ATAD3A: variants seen among roughly 807,000 people sequenced by gnomAD.
The protein encoded by ATAD3A is ATPase family AAA domain-containing protein 3A.
Under a neutral mutation model 73.8 loss-of-function variants are expected in ATAD3A, and 46 were observed. The ratio of observed to expected loss-of-function variants is 0.62; its 90% CI spans 0.49 to 0.80. The LOEUF is 0.80. ATAD3A is among the 30% of genes least tolerant of loss of function. The pLI is 0.00. For synonymous variants in ATAD3A, 319 were observed against 350.0 expected, an observed-to-expected ratio of 0.91 and a Z score of 0.99; for missense variants, 705 against 838.0, an observed-to-expected ratio of 0.84 and a Z score of 1.96.
At chr1:1,531,149 C>T (rs1642021234) in intron 15 of ATAD3A, among the ~76,000 whole-genome samples, 1 of 151,722 alleles carries the variant, frequency 6.6e-6, no homozygotes, top group African/African-American at 2.4e-5. Flanking sequence ...TAGCGTGAGA[C>T]TCCATCTTAA....
chr1:1,527,004 G>A (rs1240848228), intron 13 of ATAD3A, among the ~76,000 whole-genome samples: 3 of 152,160 alleles, frequency 2.0e-5, no homozygotes, highest in Non-Finnish European at 4.4e-5. Flanking sequence ...GCTGGCCAAG[G>A]GTGCACCCTC....
rs1483445508 is a variant in ATAD3A, at chr1:1,520,847, A to G, written c.750+230A>G. 1.3e-5 allele frequency among the ~76,000 whole-genome samples: 2 copies of G among 152,030 alleles called. No individual in the cohort carries two copies. Among genetic ancestry groups the G allele is most frequent in the African/African-American group, 2.4e-5 (1 of 41,394 alleles). On this transcript the variant is annotated intron_variant, in intron 7 of 15. Transcript: ENST00000378756. This position sits in a 1 kb window ranked among gnomAD's most constrained non-coding sequence, Gnocchi z 4.0. Reference sequence around the variant, plus strand: ...CACAGTGAGACCCCATCTCTACAAAAAATCAAATATTAGCTGGGTGTGGTG... The same window carrying G: ...CACAGTGAGACCCCATCTCTACAAAGAATCAAATATTAGCTGGGTGTGGTG...
In ATAD3A at chr1:1,523,613, T is replaced by G. The variant is rs549390435; in HGVS notation, c.963+46T>G. 1 of 1,611,252 alleles carries G rather than the reference T, an allele frequency of 6.2e-7. No homozygotes were observed. Among genetic ancestry groups the G allele is most frequent in the South Asian group, 1.1e-5 (1 of 90,834 alleles). ...CCGGGGAGGCGCAGGGAGGGGACCC[T>G]GGAGCTGGGCCGGGCTGTGGCCCTT... is the stretch of plus-strand genomic sequence containing the variant. On this transcript the variant is annotated intron_variant, in intron 9 of 15. Transcript: ENST00000378756. The surrounding 1 kb of genome is among the most constrained non-coding windows in gnomAD (Gnocchi z 5.1).
chr1:1,527,870 T>A lies in ATAD3A; in HGVS notation c.1505+8T>A, dbSNP rs1570352379. 1 of 1,607,440 alleles carries A rather than the reference T, an allele frequency of 6.2e-7. No homozygotes were observed. The highest frequency in any genetic ancestry group is 8.5e-7 in the Non-Finnish European group (1 of 1,176,512). ...GGCCACAGAAGGAAAGCAGTAAGTG[T>A]CCCGCCCCACCAGCCCCCGTCCAGG... On this transcript the variant is annotated splice_region_variant and intron_variant, in intron 14 of 15. Transcript: ENST00000378756.
chr1:1,533,704 A>C (rs1395309993), intron 15 of ATAD3A, among the ~76,000 whole-genome samples: 2 of 151,824 alleles, frequency 1.3e-5, no homozygotes, highest in Admixed American at 1.3e-4. Flanking sequence ...GTCATTGAGC[A>C]ACAGCAGTGC....
intron 15 of ATAD3A, among the ~76,000 whole-genome samples, chr1:1,532,149 G>T (rs567397848): frequency 6.6e-6 from 1 of 152,098 alleles, no homozygotes; most frequent in Non-Finnish European, 1.5e-5. Flanking sequence ...ATCCTGCTTG[G>T]TCAGGGTGTA....
In ATAD3A at chr1:1,520,339, A is replaced by G. The variant is rs1455663425; in HGVS notation, c.680+33A>G. ...CTGCCGAGGCCCGGGCCGGCCACAGATGGAGCCCCGCAGGTGTGAGTCGCT... is the reference window on the plus strand; with the variant it reads ...CTGCCGAGGCCCGGGCCGGCCACAGGTGGAGCCCCGCAGGTGTGAGTCGCT... On this transcript the variant is annotated intron_variant, in intron 6 of 15. Coordinates refer to ENST00000378756, the MANE Select transcript of ATAD3A (RefSeq NM_001170535.3). This position sits in a 1 kb window ranked among gnomAD's most constrained non-coding sequence, Gnocchi z 4.0. 9.3e-6 allele frequency: 15 copies of G among 1,605,608 alleles called. No individual in the cohort carries two copies. Among genetic ancestry groups the G allele is most frequent in the African/African-American group, 2.7e-5 (2 of 74,786 alleles).
rs1003069210 is a variant in ATAD3A at position 1,520,434 on chromosome 1, C to T, written c.681-114C>T. 27 of 1,598,060 alleles carry T rather than the reference C, an allele frequency of 1.7e-5. No homozygotes were observed. Among genetic ancestry groups the T allele is most frequent in the African/African-American group, 1.5e-4 (11 of 74,696 alleles). On this transcript the variant is annotated intron_variant, in intron 6 of 15. Coordinates refer to ENST00000378756, the MANE Select transcript of ATAD3A (RefSeq NM_001170535.3). This position sits in a 1 kb window ranked among gnomAD's most constrained non-coding sequence, Gnocchi z 4.0. The stretch of plus-strand genomic sequence containing the variant: ...GCTGACTCCTTGGTGGGGGCACTGC[C>T]CCTCTGTCCTGGCAAGGCCGTGCCG...
In ATAD3A at chr1:1,526,026, C is replaced by CT. The variant is rs1159825001; in HGVS notation, c.1267-421dup. Among the ~76,000 whole-genome samples the CT allele has an allele frequency of 3.5e-3, 497 of 141,490 alleles. 2 individuals carry two copies. The highest frequency in any genetic ancestry group is 0.011 in the Middle Eastern group (3 of 264). 92.8% of individuals were successfully genotyped at this position (141,490 alleles called of 152,430 possible). On this transcript the variant is annotated intron_variant, in intron 12 of 15. Transcript: ENST00000378756. Reference sequence around the variant, plus strand: ...CCCGGTCAGGCTTTCTTTTCTTTTTCTTTTTTTTTTTTTTAAGGCAGAATT... The same window carrying CT: ...CCCGGTCAGGCTTTCTTTTCTTTTTCTTTTTTTTTTTTTTTAAGGCAGAATT...
chr1:1,524,564 G>A (rs2100669298), intron 11 of ATAD3A, among the ~76,000 whole-genome samples, 167 bp downstream of exon 11: 1 of 130,738 alleles, frequency 7.6e-6, no homozygotes, highest in African/African-American at 3.6e-5. Context: ...AGTCCCCTGA[G>A]TGTGGACCCT....
At chr1:1,522,599 G>T (rs115803540) in intron 7 of ATAD3A, 145 bp from the exon 8 acceptor site, 6 of 1,476,256 alleles carry the variant, frequency 4.1e-6, no homozygotes, top group Non-Finnish European at 5.4e-6. Context: ...ATTCGGGGCC[G>T]GGAATTCGCG....
chr1:1,534,491 ACCCAGGTGGGG>A lies in ATAD3A; in HGVS notation c.*421_*431del, dbSNP rs1642159678. ...GTGAGGGGGCGCCTGCCAGGGCCAGACCCAGGTGGGGCAGCCTGAACCCTGCTTCCCCCTGT... is the reference window on the plus strand; with the variant it reads ...GTGAGGGGGCGCCTGCCAGGGCCAGACAGCCTGAACCCTGCTTCCCCCTGT... On this transcript the variant is annotated 3_prime_UTR_variant, in exon 16 of 16. Transcript: ENST00000378756. The A allele has an allele frequency of 2.2e-6, 2 of 915,614 alleles. No individual in the cohort carries two copies. The highest frequency in any genetic ancestry group is 3.4e-5 in the African/African-American group (2 of 58,936). The allele number at this position is 915,614 out of a possible 1,614,324, so 56.7% of individuals were successfully genotyped here.
At position 1,518,959 on chromosome 1, in the gene ATAD3A, G is replaced by A. The variant is rs1641489284; in HGVS notation, c.483G>A (p.Glu161=). 6.2e-7 allele frequency: 1 copy of A among 1,614,186 alleles called. No individual in the cohort carries two copies. Among genetic ancestry groups the A allele is most frequent in the Admixed American group, 1.7e-5 (1 of 60,034 alleles). ...AGGAGAATTTACGGAAGCAGGAGGA[G>A]TCCGTGCAGAAGCAGGAAGCCATGC... ...LNEENLRKQE[E]SVQKQEAMRR... is the part of the protein sequence containing the mutation. The change falls in exon 5 of 16, where the codon GAG becomes GAA. Residue 161 remains glutamate (E), a synonymous_variant. Coordinates refer to ENST00000378756, the MANE Select transcript of ATAD3A (RefSeq NM_001170535.3).
Position 1,534,171 on chromosome 1 carries a change from G to A in ATAD3A, c.*99G>A, listed in dbSNP as rs1195812669. 1.3e-6 allele frequency: 2 copies of A among 1,593,680 alleles called. No individual in the cohort carries two copies. The highest frequency in any genetic ancestry group is 1.1e-5 in the South Asian group (1 of 88,946). On this transcript the variant is annotated 3_prime_UTR_variant, in exon 16 of 16. Coordinates refer to ENST00000378756, the MANE Select transcript of ATAD3A (RefSeq NM_001170535.3). Reference sequence around the variant, plus strand: ...CATTTAGGATATGCTCCTGGGTGGGGACTGGGCTGTGCCCAGGGCCTCTGT... The same window carrying A: ...CATTTAGGATATGCTCCTGGGTGGGAACTGGGCTGTGCCCAGGGCCTCTGT...
intron 7 of ATAD3A, among the ~76,000 whole-genome samples, chr1:1,521,429 C>G (rs1641595944): frequency 6.6e-6 from 1 of 151,834 alleles, no homozygotes; most frequent in East Asian, 1.9e-4. Flanking sequence ...TTTAAAGCCT[C>G]ACTCTTTTGT....
rs1641299072 is a variant in ATAD3A, at chr1:1,514,674, G to A, written c.206-1338G>A. ...TGCTCCCCACGGCACTTCCCCCTGC[G>A]TCAGTCACCTCCAAAAATTACACCT... On this transcript the variant is annotated intron_variant, in intron 1 of 15. Coordinates refer to ENST00000378756, the MANE Select transcript of ATAD3A (RefSeq NM_001170535.3). 2.0e-5 allele frequency among the ~76,000 whole-genome samples: 3 copies of A among 152,138 alleles called. No homozygotes were observed. The South Asian group carries it at 6.2e-4, about 31-fold the overall frequency.
Position 1,527,675 on chromosome 1 carries a change from T to G in ATAD3A, c.1338-20T>G. On this transcript the variant is annotated intron_variant, in intron 13 of 15. Coordinates refer to ENST00000378756, the MANE Select transcript of ATAD3A (RefSeq NM_001170535.3). ...TCGGCCGGCAGCCCCAGCATCCTCA[T>G]CCTCATCCCCGCCCCGCAGGTTCAT... 6.3e-7 allele frequency: 1 copy of G among 1,598,906 alleles called. No homozygotes were observed. Among genetic ancestry groups the G allele is most frequent in the South Asian group, 1.1e-5 (1 of 89,742 alleles).
In ATAD3A at chr1:1,520,164, C is replaced by T. The variant is rs1209398085; in HGVS notation, c.538C>T (p.Leu180=). The change falls in exon 6 of 16, where the codon CTG becomes TTG. Residue 180 remains leucine, a synonymous_variant. Transcript: ENST00000378756. This position sits in a 1 kb window ranked among gnomAD's most constrained non-coding sequence, Gnocchi z 4.0. The stretch of plus-strand genomic sequence containing the variant: ...AGCCACCGTGGAGCGGGAGATGGAG[C>T]TGCGGCACAAGAATGAGATGCTGCG... ...RRATVEREME[L]RHKNEMLRVE... is the part of the protein sequence containing the mutation. The T allele has an allele frequency of 8.7e-6, 14 of 1,611,350 alleles. No individual in the cohort carries two copies. Among genetic ancestry groups the T allele is most frequent in the Non-Finnish European group, 1.1e-5 (13 of 1,179,572 alleles).
chr1:1,518,016 GCA>G (rs925130177), intron 4 of ATAD3A, among the ~76,000 whole-genome samples: 6 of 151,516 alleles, frequency 4.0e-5, no homozygotes, highest in Non-Finnish European at 8.8e-5. Flanking sequence ...CACACTCCTC[GCA>G]CACACACTCC....
Sources: allele counts gnomAD v4.1 joint callset (sites outside exome capture counted in the v4.1 genomes callset), GRCh38; gene constraint gnomAD v4.1.1; non-coding constraint Gnocchi (gnomAD v3.1); transcripts MANE v1.5; gene names NCBI Gene and HGNC (gene_info 2026-07-23, HGNC 2026-07-21).